MEP1A: variants seen among roughly 807,000 people sequenced by gnomAD.
MEP1A encodes meprin A subunit alpha, also known as N-benzoyl-L-tyrosyl-P-amino-benzoic acid hydrolase subunit alpha.
Under a neutral mutation model 84.5 loss-of-function variants are expected in MEP1A, and 68 were observed. The ratio of observed to expected loss-of-function variants is 0.80; its 90% CI spans 0.66 to 0.98. The LOEUF (loss-of-function observed/expected upper bound fraction) is 0.98. Among genes scored for constraint, MEP1A ranks in the 50% least tolerant of loss-of-function variants. The pLI, the probability that MEP1A is intolerant of heterozygous loss-of-function variation, is 0.00. For synonymous variants in MEP1A, 337 were observed against 336.8 expected, an observed-to-expected ratio of 1.00 and a Z score of -0.01; for missense variants, 887 against 919.9, an observed-to-expected ratio of 0.96 and a Z score of 0.46.
intron 4 of MEP1A, 114 bp downstream of exon 4, chr6:46,798,760 T>C: frequency 1.1e-6 from 1 of 877,606 alleles, no homozygotes; most frequent in Non-Finnish European, 1.9e-6. Context: ...ATGAGAGAAA[T>C]CTCATCTATA....
intron 10 of MEP1A, among the ~76,000 whole-genome samples, chr6:46,831,116 A>G (rs569327525): frequency 6.6e-6 from 1 of 152,276 alleles, no homozygotes; most frequent in East Asian, 1.9e-4. Context: ...GGAACACTGT[A>G]TGAAAGGTTT....
chr6:46,808,939 T>C (rs1361163922), intron 5 of MEP1A, among the ~76,000 whole-genome samples: 4 of 151,976 alleles, frequency 2.6e-5, no homozygotes, highest in African/African-American at 9.7e-5. Flanking sequence ...AAAGAGAGAA[T>C]GTCTTTTTAG....
intron 12 of MEP1A, among the ~76,000 whole-genome samples, chr6:46,835,042 C>T (rs890659792): frequency 2.0e-5 from 3 of 152,100 alleles, no homozygotes; most frequent in African/African-American, 7.2e-5. Context: ...CTTCATTTTG[C>T]AAATTCAATA....
chr6:46,798,136 T>C (rs954530384), intron 3 of MEP1A, among the ~76,000 whole-genome samples: 1 of 151,882 alleles, frequency 6.6e-6, no homozygotes, highest in Admixed American at 6.6e-5. Flanking sequence ...CCCAGCTAAT[T>C]TTTGTACTTT....
Position 46,814,664 on chromosome 6 carries a change from A to T in MEP1A, c.381-4865A>T, listed in dbSNP as rs370283217. On this transcript the variant is annotated intron_variant, in intron 6 of 13. Transcript: ENST00000230588. Reference sequence around the variant, plus strand: ...AGAATTGTTTTTCTGGTCCCTTCTCATTTGGGTAGACTGTGTCAGAGGGAA... The same window carrying T: ...AGAATTGTTTTTCTGGTCCCTTCTCTTTTGGGTAGACTGTGTCAGAGGGAA... 2.3e-3 allele frequency among the ~76,000 whole-genome samples: 343 copies of T among 152,168 alleles called. 1 individual carries two copies. Among genetic ancestry groups the T allele is most frequent in the African/African-American group, 7.2e-3 (298 of 41,522 alleles).
intron 7 of MEP1A, among the ~76,000 whole-genome samples, chr6:46,824,552 A>T (rs921073608): frequency 2.8e-5 from 4 of 141,238 alleles, no homozygotes; most frequent in African/African-American, 5.1e-5. Flanking sequence ...TAATATATAA[A>T]TTATATATTA....
At chr6:46,815,902 T>A (rs1466520639) in intron 6 of MEP1A, among the ~76,000 whole-genome samples, 4 of 152,300 alleles carry the variant, frequency 2.6e-5, no homozygotes, top group Admixed American at 2.6e-4. Flanking sequence ...CTAACTTACC[T>A]GAGTAGTTAC....
In MEP1A at chr6:46,835,308, G is replaced by A; in HGVS notation, c.1843G>A (p.Gly615Ser). 1 of 1,606,870 alleles carries A rather than the reference G, an allele frequency of 6.2e-7. No homozygotes were observed. Among genetic ancestry groups the A allele is most frequent in the South Asian group, 1.1e-5 (1 of 89,508 alleles). Residue 615 changes from glycine to serine, a missense_variant, in exon 13 of 14, where the codon GGC becomes AGC. Coordinates refer to ENST00000230588, the MANE Select transcript of MEP1A (RefSeq NM_005588.3). ...TAAAGGCAAAAGACTGAGCCCCCAA[G>A]GCCTCATTCTCCAAGGCCAGGAGCA... ...PTKGKRLSPQGLILQGQEQQV... is the reference protein window; with the variant it reads ...PTKGKRLSPQSLILQGQEQQV...
intron 7 of MEP1A, among the ~76,000 whole-genome samples, chr6:46,824,929 TAA>T (rs1328203293): frequency 1.6e-5 from 2 of 123,718 alleles, no homozygotes; most frequent in Non-Finnish European, 3.2e-5. Context: ...TAGATCTATT[TAA>T]ATATATATAA....
At chr6:46,799,704 T>C (rs1767150378) in intron 5 of MEP1A, among the ~76,000 whole-genome samples, 1 of 152,178 alleles carries the variant, frequency 6.6e-6, no homozygotes, top group Non-Finnish European at 1.5e-5. Context: ...ATTTTACTCA[T>C]TGTTAGAAAT....
intron 7 of MEP1A, among the ~76,000 whole-genome samples, chr6:46,822,381 T>C (rs1767799575): frequency 1.3e-5 from 2 of 152,170 alleles, no homozygotes; most frequent in African/African-American, 4.8e-5. Flanking sequence ...TCCTATTCAC[T>C]GTTGGGGGCA....
intron 7 of MEP1A, among the ~76,000 whole-genome samples, chr6:46,823,799 G>A (rs1029405614): frequency 1.3e-5 from 2 of 152,158 alleles, no homozygotes; most frequent in Admixed American, 6.6e-5. Flanking sequence ...GTAAATTCCC[G>A]ATGGTTATTA....
At position 46,839,327 on chromosome 6, in the gene MEP1A, ATG is replaced by A; in HGVS notation, c.*193_*194del. 1.4e-5 allele frequency: 7 copies of A among 503,196 alleles called. No homozygotes were observed. The highest frequency in any genetic ancestry group is 1.9e-5 in the African/African-American group (1 of 51,760). The allele number at this position is 503,196 out of a possible 1,614,324, so 31.2% of individuals were successfully genotyped here. ...TCTGTTACTTTGCTATGTGCTCCTAATGTATCTAGTGTGTCCTGTGACAACAC... is the reference window on the plus strand; with the variant it reads ...TCTGTTACTTTGCTATGTGCTCCTAATATCTAGTGTGTCCTGTGACAACAC... On this transcript the variant is annotated 3_prime_UTR_variant, in exon 14 of 14. Transcript: ENST00000230588.
intron 3 of MEP1A, among the ~76,000 whole-genome samples, chr6:46,794,494 G>T (rs1376584133): frequency 6.6e-6 from 1 of 152,182 alleles, no homozygotes; most frequent in Non-Finnish European, 1.5e-5. Context: ...AAGATCATAG[G>T]TAGCAGTGAT....
At chr6:46,829,307 C>A (rs746493736) in intron 9 of MEP1A, 49 bp from the exon 10 acceptor site, 5 of 1,523,734 alleles carry the variant, frequency 3.3e-6, no homozygotes, top group Non-Finnish European at 4.5e-6. Context: ...GGACAGAACC[C>A]TGGGGTGTGG....
chr6:46,826,620 C>A, intron 9 of MEP1A, 117 bp downstream of exon 9: 1 of 879,476 alleles, frequency 1.1e-6, no homozygotes, highest in Non-Finnish European at 1.6e-6. Flanking sequence ...AAAATCTGAA[C>A]AAGGACAAAA....
At chr6:46,828,946 G>A (rs1768011212) in intron 9 of MEP1A, among the ~76,000 whole-genome samples, 1 of 152,080 alleles carries the variant, frequency 6.6e-6, no homozygotes, top group Non-Finnish European at 1.5e-5. Flanking sequence ...CTAAATCTTT[G>A]AATTCCAGTG....
intron 13 of MEP1A, 143 bp from the exon 14 acceptor site, chr6:46,838,837 T>C (rs1768273857): frequency 1.2e-5 from 8 of 666,206 alleles, no homozygotes; most frequent in Non-Finnish European, 2.1e-5. Context: ...TTGGTCCATA[T>C]ACAGCTCTTG....
In MEP1A at chr6:46,833,126, G is replaced by A; in HGVS notation, c.1197G>A (p.Gln399=). 1 of 1,550,662 alleles carries A rather than the reference G, an allele frequency of 6.4e-7. No individual in the cohort carries two copies. The highest frequency in any genetic ancestry group is 8.7e-7 in the Non-Finnish European group (1 of 1,153,394). The part of the protein sequence containing the change: ...KIAHVVLKEE[Q]KFRYLFQGTK... ...CCCATGTGGTGCTCAAAGAGGAACA[G>A]AAGTTTCGCTACCTTTTCCAGGGCA... The change falls in exon 11 of 14, where the codon CAG becomes CAA. Residue 399 remains glutamine, a synonymous_variant. Transcript: ENST00000230588.
Sources: gnomAD v4.1 joint callset for allele counts (sites outside exome capture counted in the v4.1 genomes callset) on GRCh38, gnomAD v4.1.1 for gene constraint, MANE v1.5 for transcripts, NCBI Gene and HGNC (gene_info 2026-07-23, HGNC 2026-07-21) for gene names.